The following NCKAP5 variants were observed in gnomAD, a reference collection of about 807,000 sequenced individuals.
NCKAP5 encodes NCK associated protein 5.
A neutral mutation model predicts 167.0 loss-of-function variants in NCKAP5; 92 were observed. The observed-to-expected ratio is 0.55, with a 90% CI of 0.47 to 0.66. The LOEUF is 0.66. NCKAP5 is among the 30% of genes least tolerant of loss of function. NCKAP5 has a pLI of 0.00. For synonymous variants in NCKAP5, 891 were observed against 877.4 expected (o/e 1.02, Z -0.27); for missense variants, 2,378 against 2,315.0 (o/e 1.03, Z -0.56).
At chr2:133,144,551 G>A (rs761252760) in intron 5 of NCKAP5, among the ~76,000 whole-genome samples, 4 of 152,034 alleles carry the variant, frequency 2.6e-5, no homozygotes, top group African/African-American at 4.8e-5. Flanking sequence ...CCTCTTCCCC[G>A]AAACTTAATG....
rs547349458 is a variant in NCKAP5, at chr2:132,932,785, G to T, written c.579+30935C>A. On this transcript the variant is annotated intron_variant, in intron 8 of 19. Coordinates refer to ENST00000409261, the MANE Select transcript of NCKAP5 (RefSeq NM_207363.3). Reference sequence around the variant, plus strand: ...AAGGTCATGCAACCATCCCTAGGAAGTTACCAAAATTCATTCTTAGTTCCC... The same window carrying T: ...AAGGTCATGCAACCATCCCTAGGAATTTACCAAAATTCATTCTTAGTTCCC... 2.0e-5 allele frequency among the ~76,000 whole-genome samples: 3 copies of T among 152,248 alleles called. No homozygotes were observed. In the East Asian group the frequency reaches 5.8e-4, roughly 29 times the overall value.
chr2:133,399,469 G>A (rs571576372), intron 3 of NCKAP5, among the ~76,000 whole-genome samples: 1 of 152,130 alleles, frequency 6.6e-6, no homozygotes, highest in Admixed American at 6.5e-5. Context: ...GGAGAAAAGA[G>A]TTCTAAGATT....
chr2:133,364,466 TTAATA>T (rs1281106980), intron 3 of NCKAP5, among the ~76,000 whole-genome samples: 1 of 152,128 alleles, frequency 6.6e-6, no homozygotes, highest in East Asian at 1.9e-4. Flanking sequence ...TCCCATAATA[TTAATA>T]TATTAAATAA....
intron 7 of NCKAP5, among the ~76,000 whole-genome samples, chr2:132,981,185 C>A (rs1225251944): frequency 1.3e-5 from 2 of 152,178 alleles, no homozygotes; most frequent in Non-Finnish European, 2.9e-5. Flanking sequence ...ATGGAATCAT[C>A]ATGAATGAGA....
intron 2 of NCKAP5, among the ~76,000 whole-genome samples, chr2:133,531,892 C>T (rs576807333): frequency 2.0e-5 from 3 of 152,326 alleles, no homozygotes; most frequent in Admixed American, 2.0e-4. Flanking sequence ...TCTTTCCTCT[C>T]TTTTAAGTAA....
At chr2:132,985,780 C>T (rs1045994993) in intron 7 of NCKAP5, among the ~76,000 whole-genome samples, 8 of 152,104 alleles carry the variant, frequency 5.3e-5, no homozygotes, top group African/African-American at 1.9e-4. Context: ...AGCAGCTATT[C>T]GAAGTTCATA....
intron 19 of NCKAP5, among the ~76,000 whole-genome samples, chr2:132,706,822 C>T (rs1033797294): frequency 2.6e-5 from 4 of 151,560 alleles, no homozygotes; most frequent in African/African-American, 9.7e-5. Flanking sequence ...GGAGCTTGCA[C>T]AAAAATGTAA....
intron 5 of NCKAP5, among the ~76,000 whole-genome samples, chr2:133,204,495 A>G (rs1346454577): frequency 6.6e-6 from 1 of 152,172 alleles, no homozygotes; most frequent in Non-Finnish European, 1.5e-5. Flanking sequence ...ACTGCTGGAT[A>G]TTATTTCACT....
intron 17 of NCKAP5, among the ~76,000 whole-genome samples, chr2:132,729,412 G>A (rs148424927): frequency 1.1e-3 from 167 of 152,292 alleles, no homozygotes; most frequent in African/African-American, 3.5e-3. Flanking sequence ...AGGGAACCCC[G>A]ATTTTCCTAA....
chr2:133,240,695 A>G (rs2087655871), intron 4 of NCKAP5, among the ~76,000 whole-genome samples: 1 of 152,198 alleles, frequency 6.6e-6, no homozygotes, highest in Non-Finnish European at 1.5e-5. Flanking sequence ...ACTGGAATGC[A>G]AAACCCTTCC....
chr2:133,076,485 T>C (rs1360276807), intron 6 of NCKAP5, among the ~76,000 whole-genome samples: 1 of 152,182 alleles, frequency 6.6e-6, no homozygotes, highest in Non-Finnish European at 1.5e-5. Context: ...AAAAAAAATG[T>C]TGATTTTAAA....
chr2:133,191,777 G>A (rs576265277), intron 5 of NCKAP5, among the ~76,000 whole-genome samples: 1 of 152,172 alleles, frequency 6.6e-6, no homozygotes, highest in South Asian at 2.1e-4. Flanking sequence ...ATGGGGTTGG[G>A]GGGAGCAGGG....
At chr2:133,021,221 T>A (rs1257204885) in intron 6 of NCKAP5, among the ~76,000 whole-genome samples, 1 of 152,084 alleles carries the variant, frequency 6.6e-6, no homozygotes, top group Non-Finnish European at 1.5e-5. Flanking sequence ...ATGCAGAGAT[T>A]ATATTGGAAA....
chr2:132,785,386 G>A lies in NCKAP5; in HGVS notation c.1425C>T (p.His475=), dbSNP rs770162133. 7.4e-6 allele frequency: 12 copies of A among 1,613,868 alleles called. No individual in the cohort carries two copies. Among genetic ancestry groups the A allele is most frequent in the South Asian group, 4.4e-5 (4 of 91,084 alleles). The change falls in exon 14 of 20, where the codon CAC becomes CAT. Residue 475 remains histidine, a synonymous_variant. Transcript: ENST00000409261. ...TGGAAGGGTCATCGTCCGCATCAAC[G>A]TGGGAATCTAGATCATAAACAAATG... is the stretch of plus-strand genomic sequence containing the variant. The part of the protein sequence containing the change: ...HKTFVYDLDS[H]VDADDDPSTL...
At chr2:132,702,304 C>T (rs1687960680) in intron 19 of NCKAP5, among the ~76,000 whole-genome samples, 2 of 152,164 alleles carry the variant, frequency 1.3e-5, no homozygotes, top group South Asian at 4.1e-4. Flanking sequence ...TGCTCCCTGG[C>T]ACCACTCTTG....
At chr2:133,184,348 T>G (rs913897456) in intron 5 of NCKAP5, among the ~76,000 whole-genome samples, 6 of 152,180 alleles carry the variant, frequency 3.9e-5, no homozygotes, top group African/African-American at 1.4e-4. Context: ...GTATCATCTT[T>G]TCTTTATCCA....
chr2:133,149,222 TAAG>T (rs1199548849), intron 5 of NCKAP5, among the ~76,000 whole-genome samples: 2 of 152,198 alleles, frequency 1.3e-5, no homozygotes, highest in African/African-American at 4.8e-5. Context: ...TTGAGTATGA[TAAG>T]AAGTATGATG....
the NCKAP5 span, among the ~76,000 whole-genome samples, chr2:133,605,365 G>A: frequency 2.0e-5 from 3 of 152,120 alleles, no homozygotes; most frequent in South Asian, 2.1e-4. Flanking sequence ...GTCTGGGGAG[G>A]GCACTGAGCT....
intron 3 of NCKAP5, among the ~76,000 whole-genome samples, chr2:133,426,440 CAAA>C (rs77474242): frequency 2.7e-5 from 2 of 73,046 alleles, no homozygotes; most frequent in African/African-American, 8.4e-5. Context: ...TAAAGTCTTC[CAAA>C]AAAAAAAAAA....
Sources: gnomAD v4.1 joint callset for allele counts (sites outside exome capture counted in the v4.1 genomes callset) on GRCh38, gnomAD v4.1.1 for gene constraint, MANE v1.5 for transcripts, NCBI Gene and HGNC (gene_info 2026-07-23, HGNC 2026-07-21) for gene names.